Variants in HOOK1 observed in about 807,000 individuals in gnomAD.
HOOK1 encodes hook microtubule tethering protein 1, also known as protein Hook homolog 1.
A neutral mutation model predicts 112.8 loss-of-function variants in HOOK1; 60 were observed. The ratio of observed to expected loss-of-function variants is 0.53; its 90% CI spans 0.43 to 0.66. The LOEUF (loss-of-function observed/expected upper bound fraction) is 0.66, where lower values mean the gene tolerates loss of function less well. Ranked by LOEUF, HOOK1 falls within the 30% of genes least tolerant of loss-of-function variation. HOOK1 has a pLI of 0.00. For synonymous variants in HOOK1, 294 were observed against 283.8 expected (o/e 1.04, Z -0.36); for missense variants, 770 against 856.0 (o/e 0.90, Z 1.25).
chr1:59,862,780 A>G lies in HOOK1; in HGVS notation c.1533-4A>G, dbSNP rs377387822. ...GTAAATGCTTATGACCCATCTTACA[A>G]TAGGCTGAGCAAAGAGCGTATTAGA... is the stretch of plus-strand genomic sequence containing the variant. On this transcript the variant is annotated splice_region_variant and splice_polypyrimidine_tract_variant and intron_variant, in intron 15 of 21. Coordinates refer to ENST00000371208, the MANE Select transcript of HOOK1 (RefSeq NM_015888.6). The G allele has an allele frequency of 1.2e-4, 196 of 1,596,304 alleles. No homozygotes were observed. Among genetic ancestry groups the G allele is most frequent in the Non-Finnish European group, 1.7e-4 (194 of 1,164,268 alleles).
intron 20 of HOOK1, 71 bp from the exon 21 acceptor site, chr1:59,870,971 A>G: frequency 3.0e-6 from 3 of 1,005,250 alleles, no homozygotes; most frequent in Non-Finnish European, 4.7e-6. Context: ...AACATAGTGA[A>G]GAAATTATTC....
Position 59,872,742 on chromosome 1 carries a change from G to A in HOOK1, c.2017-53G>A, listed in dbSNP as rs577179486. 1.9e-4 allele frequency: 231 copies of A among 1,246,008 alleles called. No individual in the cohort carries two copies. In the African/African-American group the frequency reaches 2.9e-3, roughly 16 times the overall value. The allele number at this position is 1,246,008 out of a possible 1,614,324, so 77.2% of individuals were successfully genotyped here. On this transcript the variant is annotated intron_variant, in intron 21 of 21. Transcript: ENST00000371208. Reference sequence around the variant, plus strand: ...AAGTGTCTTTATGTGAGAAGCACTCGGCAAACTCTGTTTAGTCATGTTAAA... The same window carrying A: ...AAGTGTCTTTATGTGAGAAGCACTCAGCAAACTCTGTTTAGTCATGTTAAA...
At chr1:59,837,420 T>C (rs2102026770) in intron 7 of HOOK1, among the ~76,000 whole-genome samples, 1 of 152,252 alleles carries the variant, frequency 6.6e-6, no homozygotes, top group African/African-American at 2.4e-5. Flanking sequence ...GAGAGGCAAA[T>C]GCATTAAGTA....
chr1:59,815,036 G>T lies in HOOK1; in HGVS notation c.-82G>T, dbSNP rs112191387. 7.1e-6 allele frequency: 10 copies of T among 1,400,252 alleles called. No individual in the cohort carries two copies. The African/African-American group carries it at 1.3e-4, about 18-fold the overall frequency. 86.7% of individuals were successfully genotyped at this position (1,400,252 alleles called of 1,614,324 possible). A position where few individuals can be genotyped will look rare whatever the true frequency, so the allele number is the denominator to read the frequency against. ...ACCGAGCTTTCCTGGGGGCTAGCAG[G>T]TCGTGGACGCCGGCTCCTGGAGGAG... is the stretch of plus-strand genomic sequence containing the variant. On this transcript the variant is annotated 5_prime_UTR_variant, in exon 1 of 22. Coordinates refer to ENST00000371208, the MANE Select transcript of HOOK1 (RefSeq NM_015888.6).
intron 1 of HOOK1, among the ~76,000 whole-genome samples, chr1:59,815,529 C>T (rs1445399746): frequency 6.6e-6 from 1 of 151,924 alleles, no homozygotes; most frequent in East Asian, 2.0e-4. Flanking sequence ...CCCTGAACAG[C>T]GCCCGAGCCC....
At chr1:59,837,018 G>A in intron 7 of HOOK1, 83 bp downstream of exon 7, 2 of 808,014 alleles carry the variant, frequency 2.5e-6, no homozygotes, top group Non-Finnish European at 4.1e-6. Context: ...CTTACAAAGA[G>A]AGCATATACA....
At chr1:59,846,935 A>G (rs1199876048) in intron 9 of HOOK1, 110 bp from the exon 10 acceptor site, 5 of 680,370 alleles carry the variant, frequency 7.3e-6, no homozygotes, top group Non-Finnish European at 9.2e-6. Context: ...CATATATTTT[A>G]TTGTGTTGAG....
rs749948887 is a variant in HOOK1 at position 59,860,315 on chromosome 1, G to A, written c.1519G>A (p.Glu507Lys). 3.0e-5 allele frequency: 48 copies of A among 1,604,888 alleles called. No individual in the cohort carries two copies. Among genetic ancestry groups the A allele is most frequent in the Middle Eastern group, 1.7e-4 (1 of 6,040 alleles). ...GAAACACCGTAAAATGAATGAACTG[G>A]AAACTGAGCAGAGGTGATATGCTCC... ...EQKHRKMNEL[E>K]TEQRLSKERI... Residue 507 changes from glutamate (E) to lysine (K), a missense_variant, in exon 15 of 22, where the codon GAA (glutamate) becomes AAA (lysine). Transcript: ENST00000371208.
At chr1:59,831,694 T>G (rs949181986) in intron 3 of HOOK1, among the ~76,000 whole-genome samples, 2 of 152,208 alleles carry the variant, frequency 1.3e-5, no homozygotes, top group African/African-American at 4.8e-5. Context: ...CTCCCTATGC[T>G]GTAGTCTGAA....
intron 20 of HOOK1, among the ~76,000 whole-genome samples, chr1:59,868,572 C>T (rs943361461): frequency 6.6e-6 from 1 of 152,190 alleles, no homozygotes; most frequent in Non-Finnish European, 1.5e-5. Context: ...AGTTGTAGCT[C>T]TTCTTGTCAA....
intron 8 of HOOK1, among the ~76,000 whole-genome samples, chr1:59,842,419 G>A (rs2098401504): frequency 6.6e-6 from 1 of 152,072 alleles, no homozygotes; most frequent in African/African-American, 2.4e-5. Context: ...ATGGATGCAT[G>A]CATTGAATTT....
intron 19 of HOOK1, among the ~76,000 whole-genome samples, chr1:59,867,851 A>C (rs903056653): frequency 6.6e-6 from 1 of 152,164 alleles, no homozygotes; most frequent in Non-Finnish European, 1.5e-5. Context: ...TTACTTTATA[A>C]AATCAATGTT....
At chr1:59,824,221 T>G (rs2098388158) in intron 2 of HOOK1, among the ~76,000 whole-genome samples, 1 of 152,028 alleles carries the variant, frequency 6.6e-6, no homozygotes, top group Non-Finnish European at 1.5e-5. Flanking sequence ...TTTTTTTTTT[T>G]TTTTGAGATG....
chr1:59,858,411 T>C lies in HOOK1; in HGVS notation c.1243-17T>C, dbSNP rs2098411794. On this transcript the variant is annotated splice_polypyrimidine_tract_variant and intron_variant, in intron 12 of 21. Coordinates refer to ENST00000371208, the MANE Select transcript of HOOK1 (RefSeq NM_015888.6). ...GGCAGAATTAAATACTTTGCTGATA[T>C]CAACAATTCTTTTCAGAGACTAATT... 2 of 1,516,154 alleles carry C rather than the reference T, an allele frequency of 1.3e-6. No individual in the cohort carries two copies. The highest frequency in any genetic ancestry group is 1.8e-6 in the Non-Finnish European group (2 of 1,090,770). 93.9% of individuals were successfully genotyped at this position (1,516,154 alleles called of 1,614,324 possible).
At chr1:59,842,304 A>G (rs1327051658) in intron 8 of HOOK1, among the ~76,000 whole-genome samples, 5 of 152,086 alleles carry the variant, frequency 3.3e-5, no homozygotes, top group Non-Finnish European at 5.9e-5. Flanking sequence ...TTCTACTGTA[A>G]GGGTCTTGGG....
At chr1:59,821,229 G>GT (rs1454427290) in intron 1 of HOOK1, among the ~76,000 whole-genome samples, 2 of 152,052 alleles carry the variant, frequency 1.3e-5, no homozygotes, top group Admixed American at 1.3e-4. Flanking sequence ...GTAAAAAGAG[G>GT]TTATTATTCC....
At chr1:59,866,205 T>C (rs1643960774) in intron 19 of HOOK1, among the ~76,000 whole-genome samples, 1 of 152,208 alleles carries the variant, frequency 6.6e-6, no homozygotes, top group Non-Finnish European at 1.5e-5. Flanking sequence ...TTAGACAGAC[T>C]GTCGTGATGT....
At position 59,864,676 on chromosome 1, in the gene HOOK1, A is replaced by G; in HGVS notation, c.1661+10A>G. On this transcript the variant is annotated intron_variant, in intron 17 of 21. Transcript: ENST00000371208. ...AGTTGGAAGCTCATATGTAAGTAAA[A>G]CTGATATTTCTTTTCAAATATGAGA... 6.7e-7 allele frequency: 1 copy of G among 1,491,840 alleles called. No homozygotes were observed. Among genetic ancestry groups the G allele is most frequent in the Non-Finnish European group, 9.3e-7 (1 of 1,078,116 alleles). 92.4% of individuals were successfully genotyped at this position (1,491,840 alleles called of 1,614,324 possible). A position where few individuals can be genotyped will look rare whatever the true frequency, so the allele number is the denominator to read the frequency against.
chr1:59,869,192 C>CT (rs879570921), intron 20 of HOOK1, among the ~76,000 whole-genome samples: 257 of 145,708 alleles, frequency 1.8e-3, no homozygotes, highest in African/African-American at 4.2e-3. Context: ...TACTCAGTTT[C>CT]TTTTTTTTTT....
Sources: gnomAD v4.1 joint callset for allele counts (sites outside exome capture counted in the v4.1 genomes callset) on GRCh38, gnomAD v4.1.1 for gene constraint, MANE v1.5 for transcripts, NCBI Gene and HGNC (gene_info 2026-07-23, HGNC 2026-07-21) for gene names.